ERC2: variants seen among roughly 807,000 people sequenced by gnomAD.
The protein encoded by ERC2 is ERC protein 2.
Under a neutral mutation model 114.8 loss-of-function variants are expected in ERC2, and 42 were observed. The ratio of observed to expected loss-of-function variants is 0.37; its 90% confidence interval spans 0.29 to 0.47. The LOEUF (loss-of-function observed/expected upper bound fraction) is 0.47. ERC2 is among the 20% of genes least tolerant of loss of function. The probability of loss-of-function intolerance (pLI) is 0.99; values close to 1 mark genes in which losing one functional copy is unlikely to be tolerated. For missense variants in ERC2, 939 were observed against 1,150.7 expected (o/e 0.82, Z 2.66); for synonymous variants, 454 against 425.5 (o/e 1.07, Z -0.82).
chr3:55,861,085 G>A (rs1436045589), intron 14 of ERC2, among the ~76,000 whole-genome samples: 2 of 152,228 alleles, frequency 1.3e-5, no homozygotes, highest in Admixed American at 6.5e-5. Context: ...CCCATCCATA[G>A]CAAACAACTG....
chr3:55,796,250 GA>G (rs1295130491), intron 14 of ERC2, among the ~76,000 whole-genome samples: 1 of 150,538 alleles, frequency 6.6e-6, no homozygotes, highest in African/African-American at 2.5e-5. Context: ...GGCTTTGTTT[GA>G]GAAGAAAAGT....
chr3:56,013,705 T>A (rs2073115968), intron 8 of ERC2, among the ~76,000 whole-genome samples: 1 of 152,168 alleles, frequency 6.6e-6, no homozygotes, highest in Non-Finnish European at 1.5e-5. Flanking sequence ...CCATTTCCCA[T>A]CTTAAAATGG....
At chr3:55,569,300 A>G (rs1225339374) in intron 17 of ERC2, among the ~76,000 whole-genome samples, 1 of 152,178 alleles carries the variant, frequency 6.6e-6, no homozygotes, top group East Asian at 1.9e-4. Flanking sequence ...AACTCCTCCA[A>G]GATTATCTTG....
At chr3:56,227,455 G>A (rs1458935488) in intron 3 of ERC2, among the ~76,000 whole-genome samples, 1 of 149,384 alleles carries the variant, frequency 6.7e-6, no homozygotes, top group Non-Finnish European at 1.5e-5. Flanking sequence ...TTTAGCATGT[G>A]AAGGTCCCTC....
At chr3:55,602,527 T>C (rs1442073011) in intron 17 of ERC2, among the ~76,000 whole-genome samples, 3 of 152,176 alleles carry the variant, frequency 2.0e-5, no homozygotes, top group Admixed American at 2.0e-4. Context: ...CTACTATTAG[T>C]GGACACTTGG....
chr3:56,249,492 A>AT (rs1323620772), intron 3 of ERC2, among the ~76,000 whole-genome samples: 2 of 151,346 alleles, frequency 1.3e-5, no homozygotes, highest in Non-Finnish European at 2.9e-5. Flanking sequence ...CGCCCAGCTA[A>AT]TTTTTTTGTA....
At chr3:55,584,264 T>C (rs1268441179) in intron 17 of ERC2, among the ~76,000 whole-genome samples, 1 of 152,134 alleles carries the variant, frequency 6.6e-6, no homozygotes, top group Non-Finnish European at 1.5e-5. Flanking sequence ...CCTTGCAGAC[T>C]CAGTTTTCCC....
intron 17 of ERC2, among the ~76,000 whole-genome samples, chr3:55,521,544 C>T (rs901039822): frequency 3.3e-5 from 5 of 152,216 alleles, no homozygotes; most frequent in African/African-American, 9.7e-5. Context: ...AAGAGGCTGT[C>T]TGCATTTGCT....
intron 1 of ERC2, among the ~76,000 whole-genome samples, chr3:56,453,687 A>C (rs1467572561): frequency 1.3e-5 from 2 of 152,188 alleles, no homozygotes; most frequent in Non-Finnish European, 2.9e-5. Flanking sequence ...GCATACAACC[A>C]ACTATTTTAA....
chr3:55,652,400 T>C (rs183437287), intron 17 of ERC2, among the ~76,000 whole-genome samples: 13 of 152,304 alleles, frequency 8.5e-5, no homozygotes, highest in Admixed American at 1.3e-4. Context: ...TGAGCACCTA[T>C]AAAGGTGGAC....
intron 14 of ERC2, among the ~76,000 whole-genome samples, chr3:55,790,271 T>C (rs1199263312): frequency 2.0e-5 from 3 of 152,166 alleles, no homozygotes; most frequent in Admixed American, 6.5e-5. Context: ...ATGGCCTTCA[T>C]TGGGCTACTT....
At chr3:55,589,719 G>A (rs2057781051) in intron 17 of ERC2, among the ~76,000 whole-genome samples, 1 of 151,970 alleles carries the variant, frequency 6.6e-6, no homozygotes, top group African/African-American at 2.4e-5. Context: ...GAGTTGTCAG[G>A]CAAAAGTCCC....
intron 13 of ERC2, among the ~76,000 whole-genome samples, chr3:55,949,324 C>T (rs531738437): frequency 1.1e-3 from 173 of 151,964 alleles, no homozygotes; most frequent in Non-Finnish European, 1.4e-3. Context: ...GACCCAAGAT[C>T]GCGCCACTGC....
At chr3:55,678,127 G>A (rs1270995496) in intron 17 of ERC2, among the ~76,000 whole-genome samples, 3 of 152,118 alleles carry the variant, frequency 2.0e-5, no homozygotes, top group African/African-American at 4.8e-5. Context: ...GAGGAAGTGG[G>A]GACAGAGATA....
chr3:56,085,266 G>A (rs957013931), intron 6 of ERC2, among the ~76,000 whole-genome samples: 3 of 152,194 alleles, frequency 2.0e-5, no homozygotes, highest in South Asian at 2.1e-4. Flanking sequence ...GAAGTTGGGG[G>A]AGTAGAGAGT....
At chr3:56,194,967 A>G (rs930028668) in intron 3 of ERC2, among the ~76,000 whole-genome samples, 42 of 152,226 alleles carry the variant, frequency 2.8e-4, no homozygotes, top group African/African-American at 9.4e-4. Flanking sequence ...CCTCCAATAG[A>G]TACCTAAAAC....
At chr3:56,437,834 G>A (rs1408757003) in intron 1 of ERC2, among the ~76,000 whole-genome samples, 1 of 152,134 alleles carries the variant, frequency 6.6e-6, no homozygotes, top group African/African-American at 2.4e-5. Flanking sequence ...TATTTAATAA[G>A]ACAGAAAGAT....
At chr3:55,923,605 T>C (rs1487372809) in intron 13 of ERC2, among the ~76,000 whole-genome samples, 2 of 152,182 alleles carry the variant, frequency 1.3e-5, no homozygotes, top group Admixed American at 6.5e-5. Context: ...ATAGCTTTTA[T>C]AAATCTGTCT....
chr3:55,941,916 G>C (rs189050492), intron 13 of ERC2, among the ~76,000 whole-genome samples: 33 of 152,272 alleles, frequency 2.2e-4, no homozygotes, highest in African/African-American at 7.0e-4. Flanking sequence ...CACAGGAAAT[G>C]ATAGAATATC....
Sources: gnomAD v4.1 joint callset for allele counts (sites outside exome capture counted in the v4.1 genomes callset) on GRCh38, gnomAD v4.1.1 for gene constraint, MANE v1.5 for transcripts, NCBI Gene and HGNC (gene_info 2026-07-23, HGNC 2026-07-21) for gene names.